The following CHCHD6 variants were observed in gnomAD, a reference collection of about 807,000 sequenced individuals.
The protein encoded by CHCHD6 is MICOS complex subunit MIC25.
Under a neutral mutation model 32.3 loss-of-function variants are expected in CHCHD6, and 28 were observed. The observed-to-expected ratio is 0.87, with a 90% CI of 0.64 to 1.19. The LOEUF is 1.19. CHCHD6 is among the 50% of genes most tolerant of loss of function. The pLI is 0.00. For missense variants in CHCHD6, 333 were observed against 307.0 expected (o/e 1.08, Z -0.63); for synonymous variants, 122 against 117.5 (o/e 1.04, Z -0.25).
intron 4 of CHCHD6, among the ~76,000 whole-genome samples, chr3:126,833,826 C>A (rs1223935380): frequency 6.6e-6 from 1 of 151,902 alleles, no homozygotes; most frequent in Non-Finnish European, 1.5e-5. Flanking sequence ...GAGGCCGAGG[C>A]GGGCGGATCA....
rs567021430 is a variant in CHCHD6 at position 126,842,838 on chromosome 3, T to C, written c.412-9809T>C. ...TTTTTTTTTTTTTTTTTGGTGGGTG[T>C]GACCTGCAAGAGTGGGATGTTTTTA... On this transcript the variant is annotated intron_variant, in intron 4 of 7. Coordinates refer to ENST00000290913, the MANE Select transcript of CHCHD6 (RefSeq NM_032343.3). Among the ~76,000 whole-genome samples the C allele has an allele frequency of 5.6e-3, 834 of 148,744 alleles. 8 individuals are homozygous for C. The highest frequency in any genetic ancestry group is 0.02 in the African/African-American group (799 of 40,082).
chr3:126,787,228 C>A (rs1938261278), intron 4 of CHCHD6, among the ~76,000 whole-genome samples: 1 of 152,110 alleles, frequency 6.6e-6, no homozygotes, highest in African/African-American at 2.4e-5. Context: ...GTTACTGTAG[C>A]CTTGTAGTAT....
intron 1 of CHCHD6, among the ~76,000 whole-genome samples, chr3:126,715,160 C>G (rs1190620187): frequency 6.6e-6 from 1 of 152,160 alleles, no homozygotes; most frequent in Non-Finnish European, 1.5e-5. Context: ...TCCCAGTCTT[C>G]CCTTCTATGA....
chr3:126,768,805 C>T (rs755533465), intron 4 of CHCHD6, among the ~76,000 whole-genome samples: 12 of 152,076 alleles, frequency 7.9e-5, no homozygotes, highest in Non-Finnish European at 1.3e-4. Flanking sequence ...ATTTGCATTT[C>T]GTTAATGGTT....
At chr3:126,765,938 A>T (rs534006415) in intron 4 of CHCHD6, among the ~76,000 whole-genome samples, 1 of 152,216 alleles carries the variant, frequency 6.6e-6, no homozygotes, top group Non-Finnish European at 1.5e-5. Flanking sequence ...GAGGACCCGG[A>T]TGCTTCCAAA....
intron 6 of CHCHD6, chr3:126,957,175 A>T: frequency 1.7e-6 from 1 of 577,068 alleles, no homozygotes. Flanking sequence ...ATACCACAGC[A>T]TGTTTCAGTG....
chr3:126,859,569 A>C (rs1428684482), intron 5 of CHCHD6, among the ~76,000 whole-genome samples: 1 of 152,216 alleles, frequency 6.6e-6, no homozygotes, highest in African/African-American at 2.4e-5. Flanking sequence ...TTTTGTGAGC[A>C]TATGCTATGT....
intron 5 of CHCHD6, among the ~76,000 whole-genome samples, chr3:126,902,430 A>G (rs373275801): frequency 6.6e-6 from 1 of 152,156 alleles, no homozygotes; most frequent in Non-Finnish European, 1.5e-5. Context: ...TAAAAAATCA[A>G]TGTAGGCTGG....
intron 6 of CHCHD6, among the ~76,000 whole-genome samples, chr3:126,923,047 G>A (rs921645973): frequency 2.6e-5 from 4 of 152,190 alleles, no homozygotes; most frequent in Non-Finnish European, 4.4e-5. Flanking sequence ...GTCACACAGG[G>A]ACCCCAGTGG....
chr3:126,784,904 T>G (rs191556098), intron 4 of CHCHD6, among the ~76,000 whole-genome samples: 69 of 152,288 alleles, frequency 4.5e-4, no homozygotes, highest in South Asian at 1.2e-3. Context: ...ATTGATTCCT[T>G]TTCCTTAGCT....
At chr3:126,950,044 T>C (rs2078695627) in intron 6 of CHCHD6, among the ~76,000 whole-genome samples, 1 of 151,708 alleles carries the variant, frequency 6.6e-6, no homozygotes, top group Non-Finnish European at 1.5e-5. Flanking sequence ...TGTTGTGTTA[T>C]GAATGGGAAG....
intron 5 of CHCHD6, among the ~76,000 whole-genome samples, chr3:126,870,670 C>T (rs1385281123): frequency 2.6e-5 from 4 of 152,222 alleles, no homozygotes; most frequent in African/African-American, 9.7e-5. Context: ...CCACATTCTG[C>T]ATATGACTAC....
At chr3:126,952,661 C>T (rs892489354) in intron 6 of CHCHD6, among the ~76,000 whole-genome samples, 6 of 152,160 alleles carry the variant, frequency 3.9e-5, no homozygotes, top group African/African-American at 1.4e-4. Context: ...GCTGCTGTGG[C>T]CTGGGACGGA....
At chr3:126,764,704 G>A (rs771494437) in intron 4 of CHCHD6, among the ~76,000 whole-genome samples, 2 of 152,230 alleles carry the variant, frequency 1.3e-5, no homozygotes, top group African/African-American at 4.8e-5. Flanking sequence ...AAGGAGAGAC[G>A]TCAAGGATTC....
chr3:126,760,022 TA>T (rs1446517166), intron 4 of CHCHD6, among the ~76,000 whole-genome samples: 1 of 152,036 alleles, frequency 6.6e-6, no homozygotes, highest in Non-Finnish European at 1.5e-5. Context: ...GCCACATACT[TA>T]AAACAACTAG....
chr3:126,881,724 G>T (rs1559901000), intron 5 of CHCHD6, among the ~76,000 whole-genome samples: 1 of 152,164 alleles, frequency 6.6e-6, no homozygotes, highest in Non-Finnish European at 1.5e-5. Flanking sequence ...GTGTTTTGTT[G>T]TATCTTTTTG....
intron 1 of CHCHD6, among the ~76,000 whole-genome samples, chr3:126,716,188 A>G (rs911564900): frequency 2.0e-5 from 3 of 152,308 alleles, no homozygotes; most frequent in Non-Finnish European, 4.4e-5. Flanking sequence ...TTTGCCATCC[A>G]AGGCTCTCAA....
chr3:126,802,087 A>C, intron 4 of CHCHD6, among the ~76,000 whole-genome samples: 1 of 152,010 alleles, frequency 6.6e-6, no homozygotes, highest in African/African-American at 2.4e-5. Flanking sequence ...CAAAGACCAA[A>C]AGTAGATAAA....
intron 6 of CHCHD6, among the ~76,000 whole-genome samples, chr3:126,917,872 G>A (rs2078193962): frequency 6.6e-6 from 1 of 152,138 alleles, no homozygotes; most frequent in Non-Finnish European, 1.5e-5. Context: ...GCCCTCACCA[G>A]ACATCAGATC....
Sources: allele counts gnomAD v4.1 joint callset (sites outside exome capture counted in the v4.1 genomes callset), GRCh38; gene constraint gnomAD v4.1.1; transcripts MANE v1.5; gene names NCBI Gene and HGNC (gene_info 2026-07-23, HGNC 2026-07-21).